Variants in MACROD2 observed in about 807,000 individuals in gnomAD.
MACROD2 encodes the protein mono-ADP ribosylhydrolase 2, also known as ADP-ribose glycohydrolase MACROD2.
In MACROD2, 36 loss-of-function variants were observed where a neutral mutation model predicts 70.4. The ratio of observed to expected loss-of-function variants is 0.51; its 90% CI spans 0.39 to 0.68. The LOEUF is 0.68. MACROD2 is among the 30% of genes least tolerant of loss of function. The pLI, the probability that MACROD2 is intolerant of heterozygous loss-of-function variation, is 0.00. For missense variants in MACROD2, 496 were observed against 538.4 expected, an observed-to-expected ratio of 0.92 and a Z score of 0.78; for synonymous variants, 172 against 178.8, an observed-to-expected ratio of 0.96 and a Z score of 0.30.
chr20:14,395,059 C>CT (rs1243357832), intron 3 of MACROD2, among the ~76,000 whole-genome samples: 1 of 151,862 alleles, frequency 6.6e-6, no homozygotes, highest in South Asian at 2.1e-4. Flanking sequence ...TTTTAAATGT[C>CT]TTTTCTGATG....
intron 3 of MACROD2, among the ~76,000 whole-genome samples, chr20:14,294,327 T>C (rs1355317259): frequency 6.6e-6 from 1 of 150,878 alleles, no homozygotes; most frequent in Non-Finnish European, 1.5e-5. Context: ...ACTAGATGAA[T>C]AGTTTGTAGA....
chr20:14,443,771 C>G (rs2084153092), intron 3 of MACROD2, among the ~76,000 whole-genome samples: 1 of 152,048 alleles, frequency 6.6e-6, no homozygotes, highest in African/African-American at 2.4e-5. Flanking sequence ...TACCTGCTAG[C>G]TGGGTAAATT....
At chr20:15,666,213 G>A (rs1398459651) in intron 8 of MACROD2, among the ~76,000 whole-genome samples, 1 of 152,142 alleles carries the variant, frequency 6.6e-6, no homozygotes, top group Non-Finnish European at 1.5e-5. Context: ...CGCAAATAAT[G>A]TGAAACTGAG....
chr20:15,850,286 G>A (rs951060031), intron 8 of MACROD2, among the ~76,000 whole-genome samples: 6 of 152,088 alleles, frequency 3.9e-5, no homozygotes, highest in Non-Finnish European at 7.4e-5. Context: ...GATCGAACAG[G>A]GGGATTTAAA....
intron 5 of MACROD2, among the ~76,000 whole-genome samples, chr20:14,913,540 A>G (rs1408518735): frequency 6.6e-6 from 1 of 152,102 alleles, no homozygotes; most frequent in Non-Finnish European, 1.5e-5. Flanking sequence ...TTAAAAAATT[A>G]GCCAGGTGTG....
intron 8 of MACROD2, among the ~76,000 whole-genome samples, chr20:15,774,885 A>G (rs2051695529): frequency 6.6e-6 from 1 of 152,124 alleles, no homozygotes; most frequent in Admixed American, 6.6e-5. Flanking sequence ...TTTGGATTTG[A>G]TCCTCTTCTC....
At chr20:15,914,121 G>T (rs1027511360) in intron 10 of MACROD2, among the ~76,000 whole-genome samples, 1 of 152,232 alleles carries the variant, frequency 6.6e-6, no homozygotes, top group African/African-American at 2.4e-5. Flanking sequence ...TACAGTTACA[G>T]GAAGACTATT....
rs6079924 is a variant in MACROD2 at position 15,667,503 on chromosome 20, C to G, written c.645+167656C>G. On this transcript the variant is annotated intron_variant, in intron 8 of 17. Coordinates refer to ENST00000684519, the MANE Select transcript of MACROD2 (RefSeq NM_001351661.2). ...TGTATCTATGTATCTATCTATGTATCTATCTATCTATCTATCTATCTATGA... is the reference window on the plus strand; with the variant it reads ...TGTATCTATGTATCTATCTATGTATGTATCTATCTATCTATCTATCTATGA... Among the ~76,000 whole-genome samples, 252 of 133,696 alleles carry G rather than the reference C, an allele frequency of 1.9e-3. 1 individual carries two copies. Among genetic ancestry groups the G allele is most frequent in the Middle Eastern group, 4.0e-3 (1 of 252 alleles). The allele number at this position is 133,696 out of a possible 152,430, so 87.7% of individuals were successfully genotyped here.
At chr20:14,388,491 T>A (rs2083491551) in intron 3 of MACROD2, among the ~76,000 whole-genome samples, 1 of 152,216 alleles carries the variant, frequency 6.6e-6, no homozygotes, top group Non-Finnish European at 1.5e-5. Context: ...AACAGTTGAT[T>A]AACACATATT....
intron 5 of MACROD2, among the ~76,000 whole-genome samples, chr20:15,182,106 G>A (rs1241513147): frequency 2.0e-5 from 3 of 152,270 alleles, no homozygotes; most frequent in African/African-American, 7.2e-5. Context: ...CAAAAGAACA[G>A]ACCCTAAAAG....
At chr20:14,955,935 A>G (rs531399781) in intron 5 of MACROD2, among the ~76,000 whole-genome samples, 1 of 152,232 alleles carries the variant, frequency 6.6e-6, no homozygotes, top group African/African-American at 2.4e-5. Flanking sequence ...GATTAACCAT[A>G]TTTAGAATCC....
At chr20:15,176,868 C>A (rs140186151) in intron 5 of MACROD2, among the ~76,000 whole-genome samples, 2 of 152,156 alleles carry the variant, frequency 1.3e-5, no homozygotes, top group Non-Finnish European at 2.9e-5. Flanking sequence ...GCTGTGACAC[C>A]CTCTTTGGGG....
chr20:15,676,955 G>A (rs944026152), intron 8 of MACROD2, among the ~76,000 whole-genome samples: 3 of 152,086 alleles, frequency 2.0e-5, no homozygotes, highest in African/African-American at 7.2e-5. Flanking sequence ...TCCTTGATGG[G>A]GATGCAATCT....
chr20:15,348,968 A>C (rs982797686), intron 6 of MACROD2, among the ~76,000 whole-genome samples: 3 of 152,216 alleles, frequency 2.0e-5, no homozygotes, highest in Admixed American at 6.5e-5. Flanking sequence ...ACTTTAAAAT[A>C]CAGAGAAAAA....
intron 15 of MACROD2, among the ~76,000 whole-genome samples, chr20:16,006,481 C>A (rs748558029): frequency 1.3e-5 from 2 of 152,158 alleles, no homozygotes; most frequent in Non-Finnish European, 2.9e-5. Context: ...TGATGGTGAA[C>A]CCCCTTGATT....
chr20:15,929,139 G>A (rs183437983), intron 10 of MACROD2, among the ~76,000 whole-genome samples: 7 of 152,250 alleles, frequency 4.6e-5, no homozygotes, highest in Non-Finnish European at 1.5e-5. Context: ...TGGGCTCAGT[G>A]GGGTGGTTCT....
chr20:15,868,547 A>G (rs1382193003), intron 9 of MACROD2, among the ~76,000 whole-genome samples: 1 of 150,884 alleles, frequency 6.6e-6, no homozygotes, highest in Non-Finnish European at 1.5e-5. Context: ...AAATTCACTA[A>G]TTATTTTCTT....
At chr20:14,134,165 CT>C in intron 3 of MACROD2, among the ~76,000 whole-genome samples, 1 of 152,294 alleles carries the variant, frequency 6.6e-6, no homozygotes, top group South Asian at 2.1e-4. Flanking sequence ...TCCCAGAGAA[CT>C]CACCATTTAA....
intron 5 of MACROD2, among the ~76,000 whole-genome samples, chr20:15,108,011 T>C (rs976295392): frequency 2.6e-5 from 4 of 151,802 alleles, no homozygotes; most frequent in Admixed American, 2.0e-4. Context: ...ATTTTTTTAT[T>C]ATTTTTTTAA....
Sources: gnomAD v4.1 joint callset for allele counts (sites outside exome capture counted in the v4.1 genomes callset) on GRCh38, gnomAD v4.1.1 for gene constraint, MANE v1.5 for transcripts, NCBI Gene and HGNC (gene_info 2026-07-23, HGNC 2026-07-21) for gene names.